The following RAB31 variants were observed in gnomAD, a reference collection of about 807,000 sequenced individuals.
RAB31 encodes the protein ras-related protein Rab-31.
In RAB31, 21 loss-of-function variants were observed where a neutral mutation model predicts 25.6. The observed-to-expected ratio is 0.82, with a 90% CI of 0.58 to 1.18. The LOEUF (loss-of-function observed/expected upper bound fraction) is 1.18, where lower values mean the gene tolerates loss of function less well. Ranked by LOEUF, RAB31 falls within the 50% of genes most tolerant of loss-of-function variation. The pLI is 0.00. For missense variants in RAB31, 196 were observed against 250.1 expected, an observed-to-expected ratio of 0.78 and a Z score of 1.46; for synonymous variants, 87 against 84.0, an observed-to-expected ratio of 1.04 and a Z score of -0.20.
chr18:9,789,207 G>T (rs1015338182), intron 2 of RAB31, among the ~76,000 whole-genome samples: 1 of 152,162 alleles, frequency 6.6e-6, no homozygotes, highest in African/African-American at 2.4e-5. Flanking sequence ...GAGTAGAATT[G>T]TAGTTATTAG....
chr18:9,847,235 A>G (rs1024707879), intron 6 of RAB31, among the ~76,000 whole-genome samples: 1 of 152,216 alleles, frequency 6.6e-6, no homozygotes, highest in Non-Finnish European at 1.5e-5. Flanking sequence ...CTCTTCTGCT[A>G]TGCTCAGCTA....
At chr18:9,720,766 G>A (rs2068070168) in intron 1 of RAB31, among the ~76,000 whole-genome samples, 1 of 151,706 alleles carries the variant, frequency 6.6e-6, no homozygotes, top group Non-Finnish European at 1.5e-5. Flanking sequence ...ATGTGTTGCA[G>A]GGGACAAGGA....
At chr18:9,796,375 T>G (rs1176865770) in intron 3 of RAB31, among the ~76,000 whole-genome samples, 2 of 152,106 alleles carry the variant, frequency 1.3e-5, no homozygotes, top group Non-Finnish European at 2.9e-5. Flanking sequence ...AAAAACCTAC[T>G]GAAATTTTAA....
intron 1 of RAB31, among the ~76,000 whole-genome samples, chr18:9,762,631 G>A (rs1313477392): frequency 6.6e-6 from 1 of 152,094 alleles, no homozygotes; most frequent in African/African-American, 2.4e-5. Context: ...CACAGAGTTT[G>A]TACATCGGGA....
At chr18:9,725,438 G>C (rs996866780) in intron 1 of RAB31, among the ~76,000 whole-genome samples, 2 of 152,114 alleles carry the variant, frequency 1.3e-5, no homozygotes, top group Non-Finnish European at 2.9e-5. Context: ...TGCAGCACAG[G>C]GATTTAAGTA....
chr18:9,729,446 A>G lies in RAB31; in HGVS notation c.39+21002A>G, dbSNP rs570995473. ...GGAGACTGAGGCAGGAGAATGGCGT[A>G]AACCAGGGAGGGGGAGCTTGCAGTG... On this transcript the variant is annotated intron_variant, in intron 1 of 6. Transcript: ENST00000578921. 5.9e-5 allele frequency among the ~76,000 whole-genome samples: 9 copies of G among 152,100 alleles called. No individual in the cohort carries two copies. The South Asian group carries it at 1.7e-3, about 28-fold the overall frequency.
chr18:9,724,287 AC>A (rs142184179), intron 1 of RAB31, among the ~76,000 whole-genome samples: 53,841 of 98,996 alleles, frequency 0.54, 16,268 homozygotes, highest in Non-Finnish European at 0.61. Flanking sequence ...AAAAAAAAAA[AC>A]AAAAAAAAAA....
intron 5 of RAB31, among the ~76,000 whole-genome samples, chr18:9,834,006 G>C (rs2068692178): frequency 6.6e-6 from 1 of 152,168 alleles, no homozygotes; most frequent in Non-Finnish European, 1.5e-5. Context: ...TGACCGTCTG[G>C]AATAGAGCCA....
chr18:9,743,045 G>A (rs2068187949), intron 1 of RAB31, among the ~76,000 whole-genome samples: 1 of 152,220 alleles, frequency 6.6e-6, no homozygotes, highest in African/African-American at 2.4e-5. Flanking sequence ...TGTCCATTTA[G>A]AAAGCAGTGT....
chr18:9,765,741 A>G (rs1423419148), intron 1 of RAB31, among the ~76,000 whole-genome samples: 2 of 152,186 alleles, frequency 1.3e-5, no homozygotes, highest in East Asian at 3.9e-4. Flanking sequence ...GGAGGCCTAG[A>G]CACAGACTCA....
intron 2 of RAB31, among the ~76,000 whole-genome samples, chr18:9,778,417 G>C (rs2068384586): frequency 1.3e-5 from 2 of 152,096 alleles, no homozygotes; most frequent in Admixed American, 6.5e-5. Context: ...AACAACTCGG[G>C]GATTAAGGGT....
At chr18:9,806,094 G>C (rs1410954678) in intron 3 of RAB31, among the ~76,000 whole-genome samples, 1 of 150,442 alleles carries the variant, frequency 6.6e-6, no homozygotes, top group African/African-American at 2.4e-5. Flanking sequence ...GGAGAATGGC[G>C]TGAACCCGGG....
At chr18:9,832,845 A>G (rs1346220996) in intron 5 of RAB31, among the ~76,000 whole-genome samples, 2 of 152,176 alleles carry the variant, frequency 1.3e-5, no homozygotes, top group African/African-American at 2.4e-5. Flanking sequence ...CCAAAGGTGT[A>G]AAGAACTCAC....
chr18:9,804,360 G>A (rs1157056071), intron 3 of RAB31, among the ~76,000 whole-genome samples: 2 of 152,188 alleles, frequency 1.3e-5, no homozygotes, highest in Non-Finnish European at 2.9e-5. Context: ...GATGCCCTGA[G>A]TAGCTTCTAA....
At chr18:9,752,311 G>A (rs1475654220) in intron 1 of RAB31, among the ~76,000 whole-genome samples, 1 of 152,044 alleles carries the variant, frequency 6.6e-6, no homozygotes, top group Non-Finnish European at 1.5e-5. Flanking sequence ...TACAACCTGT[G>A]CCTCCTGGGT....
At chr18:9,832,650 G>A (rs2068684937) in intron 5 of RAB31, among the ~76,000 whole-genome samples, 1 of 152,248 alleles carries the variant, frequency 6.6e-6, no homozygotes. Flanking sequence ...CTCGAGGGCA[G>A]TAGGGACCAC....
At chr18:9,805,293 A>AAG (rs2068534530) in intron 3 of RAB31, among the ~76,000 whole-genome samples, 2 of 151,542 alleles carry the variant, frequency 1.3e-5, no homozygotes, top group Admixed American at 1.3e-4. Context: ...TAAAAAAAAA[A>AAG]AAAGAAATAA....
At chr18:9,734,136 A>C (rs2068138211) in intron 1 of RAB31, among the ~76,000 whole-genome samples, 2 of 137,930 alleles carry the variant, frequency 1.5e-5, no homozygotes, top group Admixed American at 1.5e-4. Context: ...GGAAGGCTAA[A>C]CTAAGGTCAT....
chr18:9,824,612 G>A (rs577302943), intron 5 of RAB31, among the ~76,000 whole-genome samples: 2 of 152,306 alleles, frequency 1.3e-5, no homozygotes, highest in South Asian at 4.1e-4. Flanking sequence ...CCCACTTAAG[G>A]CATTTGAGTG....
Sources: gnomAD v4.1 joint callset for allele counts (sites outside exome capture counted in the v4.1 genomes callset) on GRCh38, gnomAD v4.1.1 for gene constraint, MANE v1.5 for transcripts, NCBI Gene and HGNC (gene_info 2026-07-23, HGNC 2026-07-21) for gene names.